Variants in GOLPH3 observed in about 807,000 individuals in gnomAD.
GOLPH3 encodes coat protein GPP34.
In GOLPH3, 14 loss-of-function variants were observed where a neutral mutation model predicts 28.5. The ratio of observed to expected loss-of-function variants is 0.49; its 90% confidence interval spans 0.32 to 0.77. The LOEUF is 0.77. GOLPH3 is among the 30% of genes least tolerant of loss of function. The pLI is 0.03. For missense variants in GOLPH3, 350 were observed against 393.7 expected (o/e 0.89, Z 0.94); for synonymous variants, 158 against 159.2 (o/e 0.99, Z 0.06).
At chr5:32,142,775 G>T (rs1181736767) in intron 2 of GOLPH3, among the ~76,000 whole-genome samples, 3 of 148,098 alleles carry the variant, frequency 2.0e-5, no homozygotes, top group Non-Finnish European at 4.5e-5. Context: ...GCCCCTACTG[G>T]GAAGTGAGGA....
intron 1 of GOLPH3, among the ~76,000 whole-genome samples, chr5:32,169,296 C>T (rs1051768522): frequency 3.3e-5 from 5 of 152,018 alleles, no homozygotes; most frequent in Admixed American, 1.3e-4. Flanking sequence ...ACAGGCAACA[C>T]ACTATGGGGA....
At chr5:32,167,782 CA>C (rs954878260) in intron 1 of GOLPH3, among the ~76,000 whole-genome samples, 2 of 150,716 alleles carry the variant, frequency 1.3e-5, no homozygotes, top group South Asian at 2.1e-4. Context: ...CACGTCTCTA[CA>C]AAAAAAAATT....
intron 1 of GOLPH3, among the ~76,000 whole-genome samples, chr5:32,154,187 T>C (rs879534454): frequency 1.3e-5 from 2 of 152,184 alleles, no homozygotes; most frequent in Non-Finnish European, 2.9e-5. Context: ...CATACCTCAC[T>C]AGATACCACT....
At chr5:32,129,103 A>G (rs183421705) in intron 3 of GOLPH3, among the ~76,000 whole-genome samples, 2 of 151,806 alleles carry the variant, frequency 1.3e-5, no homozygotes, top group African/African-American at 4.8e-5. Context: ...AATCGCTTGA[A>G]CCCGGGAGGC....
chr5:32,165,043 G>C (rs1035837154), intron 1 of GOLPH3, among the ~76,000 whole-genome samples: 2 of 151,520 alleles, frequency 1.3e-5, no homozygotes, highest in Non-Finnish European at 2.9e-5. Flanking sequence ...GGGATTTCAG[G>C]TGCATACCAC....
chr5:32,131,935 A>C, intron 3 of GOLPH3, among the ~76,000 whole-genome samples: 1 of 152,224 alleles, frequency 6.6e-6, no homozygotes, highest in South Asian at 2.1e-4. Context: ...CAGAAGCTAA[A>C]AACTATTCTT....
chr5:32,157,236 A>G (rs1328366491), intron 1 of GOLPH3, among the ~76,000 whole-genome samples: 1 of 152,110 alleles, frequency 6.6e-6, no homozygotes, highest in African/African-American at 2.4e-5. Flanking sequence ...TTCAATCCAC[A>G]AGTAACTTTT....
At chr5:32,164,062 A>G (rs1746652924) in intron 1 of GOLPH3, among the ~76,000 whole-genome samples, 1 of 152,220 alleles carries the variant, frequency 6.6e-6, no homozygotes, top group Admixed American at 6.5e-5. Context: ...AATAAAAATA[A>G]CTTTTACCTT....
At chr5:32,161,739 G>C (rs1387670703) in intron 1 of GOLPH3, among the ~76,000 whole-genome samples, 1 of 151,168 alleles carries the variant, frequency 6.6e-6, no homozygotes, top group Non-Finnish European at 1.5e-5. Flanking sequence ...CTAAAAATCA[G>C]AAGTCGGGCC....
chr5:32,173,987 G>A lies in GOLPH3; in HGVS notation c.48C>T (p.Thr16=). 1 of 1,366,526 alleles carries A rather than the reference G, an allele frequency of 7.3e-7. No homozygotes were observed. The highest frequency in any genetic ancestry group is 1.8e-5 in the South Asian group (1 of 56,324). The allele number at this position is 1,366,526 out of a possible 1,614,324, so 84.7% of individuals were successfully genotyped here. The change falls in exon 1 of 4, where the codon ACC becomes ACT. Residue 16 remains threonine (T), a synonymous_variant. Transcript: ENST00000265070. ...QRSSGLVQRR[T]EASRNAADKE... is the part of the protein sequence containing the mutation. ...TGTCGGCGGCGTTGCGGGAGGCCTCGGTGCGCCGCTGCACCAGGCCGGAGC... is the reference window on the plus strand; with the variant it reads ...TGTCGGCGGCGTTGCGGGAGGCCTCAGTGCGCCGCTGCACCAGGCCGGAGC...
At chr5:32,165,706 T>C (rs929963581) in intron 1 of GOLPH3, among the ~76,000 whole-genome samples, 1 of 152,248 alleles carries the variant, frequency 6.6e-6, no homozygotes, top group Non-Finnish European at 1.5e-5. Flanking sequence ...TCAGTGAATT[T>C]GTACTTAGTA....
At chr5:32,162,647 C>T (rs376922674) in intron 1 of GOLPH3, among the ~76,000 whole-genome samples, 13 of 151,984 alleles carry the variant, frequency 8.6e-5, no homozygotes, top group African/African-American at 2.9e-4. Flanking sequence ...TTGTCAAGAC[C>T]ACTATAAACT....
At chr5:32,135,828 T>C (rs1274650308) in intron 2 of GOLPH3, 142 bp from the exon 3 acceptor site, 1 of 602,034 alleles carries the variant, frequency 1.7e-6, no homozygotes, top group Non-Finnish European at 2.9e-6. Context: ...GTTCAGATTT[T>C]AAATTACTTT....
At chr5:32,168,021 T>A (rs774940293) in intron 1 of GOLPH3, among the ~76,000 whole-genome samples, 1 of 152,182 alleles carries the variant, frequency 6.6e-6, no homozygotes, top group African/African-American at 2.4e-5. Flanking sequence ...CCTGTATATC[T>A]CATACCTGTG....
Position 32,135,597 on chromosome 5 carries a change from G to A in GOLPH3, c.447C>T (p.Val149=), listed in dbSNP as rs773523177. 5 of 1,612,166 alleles carry A rather than the reference G, an allele frequency of 3.1e-6. No homozygotes were observed. The highest frequency in any genetic ancestry group is 4.2e-6 in the Non-Finnish European group (5 of 1,178,260). ...CACTAAGTAATTCAATCCAGTTCTG[G>A]ACCGTTTCTGGAGGCTGAGTTTCCT... The part of the protein sequence containing the change: ...HVKETQPPET[V]QNWIELLSGE... Residue 149 remains valine (V), a synonymous_variant, in exon 3 of 4, where the codon GTC becomes GTT. Coordinates refer to ENST00000265070, the MANE Select transcript of GOLPH3 (RefSeq NM_022130.4).
chr5:32,134,592 G>A (rs1355754761), intron 3 of GOLPH3: 1 of 152,098 alleles, frequency 6.6e-6, no homozygotes, highest in African/African-American at 2.4e-5. Flanking sequence ...CAGAGGCTGA[G>A]GCAGAGGCTG....
At chr5:32,165,680 A>C (rs1301526725) in intron 1 of GOLPH3, among the ~76,000 whole-genome samples, 1 of 152,250 alleles carries the variant, frequency 6.6e-6, no homozygotes, top group Non-Finnish European at 1.5e-5. Context: ...AATGAACTTG[A>C]AGACAGACAT....
intron 1 of GOLPH3, among the ~76,000 whole-genome samples, chr5:32,168,661 C>T (rs1316111545): frequency 6.6e-6 from 1 of 152,136 alleles, no homozygotes; most frequent in Non-Finnish European, 1.5e-5. Flanking sequence ...TGCCAAAGAA[C>T]AGTCTGATCC....
At chr5:32,171,265 A>G (rs1477662452) in intron 1 of GOLPH3, among the ~76,000 whole-genome samples, 1 of 152,078 alleles carries the variant, frequency 6.6e-6, no homozygotes, top group Non-Finnish European at 1.5e-5. Context: ...AACACTAGCA[A>G]TAGCTGATGA....
Sources: allele counts gnomAD v4.1 joint callset (sites outside exome capture counted in the v4.1 genomes callset), GRCh38; gene constraint gnomAD v4.1.1; transcripts MANE v1.5; gene names NCBI Gene and HGNC (gene_info 2026-07-23, HGNC 2026-07-21).